RAP1B: variants seen among roughly 807,000 people sequenced by gnomAD.
RAP1B encodes the protein ras-related protein Rap-1b.
A neutral mutation model predicts 27.5 loss-of-function variants in RAP1B; 1 was observed. The observed-to-expected ratio is 0.04, with a 90% CI of 0.01 to 0.17. The LOEUF is 0.17. RAP1B is among the 10% of genes least tolerant of loss of function. The pLI is 1.00. For missense variants in RAP1B, 84 were observed against 214.8 expected, an observed-to-expected ratio of 0.39 and a Z score of 3.81; for synonymous variants, 75 against 73.1, an observed-to-expected ratio of 1.03 and a Z score of -0.13.
At chr12:68,645,970 A>T (rs1416138395) in intron 1 of RAP1B, among the ~76,000 whole-genome samples, 3 of 152,150 alleles carry the variant, frequency 2.0e-5, no homozygotes, top group African/African-American at 4.8e-5. Context: ...AATAAATAAA[A>T]GGAGCAAGTT....
In RAP1B at chr12:68,666,272, ATTC is replaced by A. The variant is rs902101657; in HGVS notation, c.*7029_*7031del. 1.2e-4 allele frequency: 19 copies of A among 152,292 alleles called. No individual in the cohort carries two copies. The highest frequency in any genetic ancestry group is 3.1e-4 in the African/African-American group (13 of 41,546). 9.4% of individuals were successfully genotyped at this position (152,292 alleles called of 1,614,324 possible). On this transcript the variant is annotated 3_prime_UTR_variant, in exon 8 of 8. Coordinates refer to ENST00000250559, the MANE Select transcript of RAP1B (RefSeq NM_001010942.3). ...CTTTACCCAAAATATTAGGGAGAAA[ATTC>A]TTCTTTTTAATTGGATTCTCGTATG...
At chr12:68,616,532 C>G (rs564367930) in intron 1 of RAP1B, among the ~76,000 whole-genome samples, 1 of 150,764 alleles carries the variant, frequency 6.6e-6, no homozygotes, top group African/African-American at 2.4e-5. Context: ...CTGCAACCTC[C>G]GCCTCCAGGT....
At chr12:68,642,449 T>C in intron 1 of RAP1B, 1 of 736,596 alleles carries the variant, frequency 1.4e-6, no homozygotes, top group Non-Finnish European at 2.3e-6. Context: ...GTCTACTGTA[T>C]AATTATTATT....
chr12:68,612,853 A>C (rs969987357), intron 1 of RAP1B, among the ~76,000 whole-genome samples: 4 of 151,894 alleles, frequency 2.6e-5, no homozygotes, highest in African/African-American at 9.7e-5. Context: ...CTGTGCTTTT[A>C]ATGTGTACTA....
intron 7 of RAP1B, 104 bp downstream of exon 7, chr12:68,657,321 A>G (rs150833069): frequency 0.011 from 7,492 of 684,990 alleles, 67 homozygotes; most frequent in South Asian, 0.02. Flanking sequence ...TCTGAAAAAT[A>G]AATGGTTTAT....
chr12:68,657,529 C>G, intron 7 of RAP1B: 1 of 171,892 alleles, frequency 5.8e-6, no homozygotes, highest in Non-Finnish European at 1.2e-5. Context: ...CTCAGCCTCC[C>G]GAGTAGCTGG....
At chr12:68,627,036 G>A in intron 1 of RAP1B, 1 of 1,591,974 alleles carries the variant, frequency 6.3e-7, no homozygotes, top group African/African-American at 1.3e-5. Flanking sequence ...CTGGCGGCCA[G>A]AAAACTTGAA....
At chr12:68,645,376 A>G (rs575720550) in intron 1 of RAP1B, among the ~76,000 whole-genome samples, 1 of 152,386 alleles carries the variant, frequency 6.6e-6, no homozygotes, top group Non-Finnish European at 1.5e-5. Flanking sequence ...GAAAGAGAAC[A>G]ATTAGTCTCA....
At chr12:68,631,660 A>T (rs1415543701) in intron 1 of RAP1B, among the ~76,000 whole-genome samples, 2 of 151,170 alleles carry the variant, frequency 1.3e-5, no homozygotes, top group African/African-American at 4.9e-5. Context: ...CTTTGCTCTC[A>T]CTTTTCTTAT....
At position 68,670,738 on chromosome 12, in the gene RAP1B, A is replaced by G. The variant is rs1284371966; in HGVS notation, c.*11489A>G. 6.6e-6 allele frequency: 1 copy of G among 152,168 alleles called. No homozygotes were observed. Among genetic ancestry groups the G allele is most frequent in the Non-Finnish European group, 1.5e-5 (1 of 68,018 alleles). The allele number at this position is 152,168 out of a possible 1,614,324, so 9.4% of individuals were successfully genotyped here. On this transcript the variant is annotated 3_prime_UTR_variant, in exon 8 of 8. Transcript: ENST00000250559. ...AAGTATAGCACAGATAAAAGATTAA[A>G]CTATTCACGGCCAGGCACGGTGGAT... is the stretch of plus-strand genomic sequence containing the variant.
intron 1 of RAP1B, among the ~76,000 whole-genome samples, chr12:68,644,373 GA>G (rs1873241588): frequency 6.6e-6 from 1 of 152,082 alleles, no homozygotes; most frequent in African/African-American, 2.4e-5. Flanking sequence ...GGCGGATCAG[GA>G]GATTGAGACC....
At chr12:68,617,119 GTTAC>G (rs1212649567) in intron 1 of RAP1B, among the ~76,000 whole-genome samples, 1 of 152,128 alleles carries the variant, frequency 6.6e-6, no homozygotes, top group African/African-American at 2.4e-5. Flanking sequence ...ATTTTTCAAA[GTTAC>G]TTTATACTAA....
chr12:68,613,146 G>A (rs1255510064), intron 1 of RAP1B, among the ~76,000 whole-genome samples: 10 of 152,122 alleles, frequency 6.6e-5, no homozygotes, highest in African/African-American at 2.4e-4. Context: ...GATCATTTGA[G>A]GTGAAGAGTT....
At chr12:68,635,896 TG>T (rs1327467374) in intron 1 of RAP1B, among the ~76,000 whole-genome samples, 1 of 152,134 alleles carries the variant, frequency 6.6e-6, no homozygotes, top group African/African-American at 2.4e-5. Flanking sequence ...ATTTTTTTTT[TG>T]TTACGAAGTC....
At chr12:68,621,565 G>A (rs753927107) in intron 1 of RAP1B, 1 of 152,204 alleles carries the variant, frequency 6.6e-6, no homozygotes, top group African/African-American at 2.4e-5. Context: ...GATGGTTAAT[G>A]ATGGTGATAA....
chr12:68,650,605 T>G, intron 3 of RAP1B, 137 bp downstream of exon 3: 1 of 797,308 alleles, frequency 1.3e-6, no homozygotes, highest in South Asian at 3.0e-5. Context: ...GTTTACACTT[T>G]CTGGCATTGC....
intron 1 of RAP1B, among the ~76,000 whole-genome samples, chr12:68,632,107 C>T (rs1334488005): frequency 1.4e-5 from 2 of 143,844 alleles, no homozygotes; most frequent in African/African-American, 5.2e-5. Context: ...ATGAAGGAAA[C>T]AGTTTTTTGG....
intron 1 of RAP1B, chr12:68,621,400 A>G (rs1177191363): frequency 6.6e-6 from 1 of 152,166 alleles, no homozygotes; most frequent in African/African-American, 2.4e-5. Context: ...TATTGCATTA[A>G]ATCCTTCTAT....
intron 1 of RAP1B, among the ~76,000 whole-genome samples, chr12:68,636,461 T>C (rs1446379291): frequency 6.6e-6 from 1 of 152,188 alleles, no homozygotes; most frequent in East Asian, 1.9e-4. Flanking sequence ...AACAAGTTCT[T>C]GCGTCACCCA....
Sources: allele counts gnomAD v4.1 joint callset (sites outside exome capture counted in the v4.1 genomes callset), GRCh38; gene constraint gnomAD v4.1.1; transcripts MANE v1.5; gene names NCBI Gene and HGNC (gene_info 2026-07-23, HGNC 2026-07-21).